The following PIEZO2 variants were observed in gnomAD, a reference collection of about 807,000 sequenced individuals.
The protein encoded by PIEZO2 is piezo-type mechanosensitive ion channel component 2.
Under a neutral mutation model 337.3 loss-of-function variants are expected in PIEZO2, and 172 were observed. The observed-to-expected ratio is 0.51, with a 90% CI of 0.45 to 0.58. PIEZO2 has a LOEUF of 0.58. PIEZO2 is among the 20% of genes least tolerant of loss of function. The probability of loss-of-function intolerance (pLI) is 0.00; values close to 1 mark genes in which losing one functional copy is unlikely to be tolerated. For synonymous variants in PIEZO2, 1,251 were observed against 1,228.5 expected, an observed-to-expected ratio of 1.02 and a Z score of -0.38; for missense variants, 3,028 against 3,391.3, an observed-to-expected ratio of 0.89 and a Z score of 2.66.
intron 3 of PIEZO2, among the ~76,000 whole-genome samples, chr18:10,946,725 A>G (rs757570362): frequency 9.2e-5 from 14 of 152,216 alleles, no homozygotes; most frequent in Non-Finnish European, 1.5e-4. Context: ...CTGAACCTCA[A>G]TAGGGGAACT....
At chr18:10,778,361 G>GTC (rs71169947) in intron 18 of PIEZO2, among the ~76,000 whole-genome samples, 122,266 of 143,306 alleles carry the variant, frequency 0.85, 52,242 homozygotes, top group East Asian at 0.93. Context: ...TTGAGAGGGA[G>GTC]TCGCTCTGTC....
intron 5 of PIEZO2, among the ~76,000 whole-genome samples, chr18:10,867,819 T>C (rs2042045130): frequency 6.6e-6 from 1 of 152,266 alleles, no homozygotes; most frequent in Non-Finnish European, 1.5e-5. Flanking sequence ...TTATTTAAGA[T>C]TTCAGATCAG....
Position 11,127,674 on chromosome 18 carries a change from A to AT in PIEZO2, c.64+20850_64+20851insA, listed in dbSNP as rs2040219080. 6.6e-6 allele frequency among the ~76,000 whole-genome samples: 1 copy of AT among 151,820 alleles called. No individual in the cohort carries two copies. Among genetic ancestry groups the AT allele is most frequent in the Non-Finnish European group, 1.5e-5 (1 of 68,022 alleles). ...GTGATCATGTAAGTTAATACTTAAT[A>AT]AACTCCCCTTTATATATATATACAT... is the stretch of plus-strand genomic sequence containing the variant. On this transcript the variant is annotated intron_variant, in intron 1 of 55. Coordinates refer to ENST00000674853, the MANE Select transcript of PIEZO2 (RefSeq NM_001378183.1). This position sits in a 1 kb window ranked among gnomAD's most constrained non-coding sequence, Gnocchi z 4.5.
rs1024565479 is a variant in PIEZO2, at chr18:10,725,115, C to T, written c.5029+6292G>A. The T allele has an allele frequency of 5.4e-6, 8 of 1,473,572 alleles. No individual in the cohort carries two copies. In the African/African-American group the frequency reaches 6.9e-5, roughly 13 times the overall value. The allele number at this position is 1,473,572 out of a possible 1,614,324, so 91.3% of individuals were successfully genotyped here. A position where few individuals can be genotyped will look rare whatever the true frequency, so the allele number is the denominator to read the frequency against. On this transcript the variant is annotated intron_variant, in intron 36 of 55. Coordinates refer to ENST00000674853, the MANE Select transcript of PIEZO2 (RefSeq NM_001378183.1). Reference sequence around the variant, plus strand: ...CGCATTACACCTACAATCCACAGTTCGAGTACCAGGAGCCCATGCCTATGG... The same window carrying T: ...CGCATTACACCTACAATCCACAGTTTGAGTACCAGGAGCCCATGCCTATGG...
chr18:10,956,382 A>G (rs1055628821), intron 3 of PIEZO2, among the ~76,000 whole-genome samples: 5 of 152,222 alleles, frequency 3.3e-5, no homozygotes, highest in Admixed American at 6.5e-5. Context: ...GAAATTGAAG[A>G]CACAAATAAA....
At chr18:10,986,553 T>C (rs1188412941) in intron 2 of PIEZO2, among the ~76,000 whole-genome samples, 2 of 151,926 alleles carry the variant, frequency 1.3e-5, no homozygotes, top group Non-Finnish European at 2.9e-5. Context: ...TTTCAACATA[T>C]TAGATATAGA....
intron 7 of PIEZO2, among the ~76,000 whole-genome samples, chr18:10,823,261 G>C (rs2040573298): frequency 6.6e-6 from 1 of 152,100 alleles, no homozygotes; most frequent in Admixed American, 6.5e-5. Flanking sequence ...TGAGCTTTCA[G>C]ATTGTTTAAT....
chr18:11,032,694 G>A lies in PIEZO2; in HGVS notation c.160+33433C>T, dbSNP rs138248049. Among the ~76,000 whole-genome samples, 440 of 152,328 alleles carry A rather than the reference G, an allele frequency of 2.9e-3. 2 individuals carry two copies. Among genetic ancestry groups the A allele is most frequent in the African/African-American group, 0.01 (416 of 41,576 alleles). On this transcript the variant is annotated intron_variant, in intron 2 of 55. Coordinates refer to ENST00000674853, the MANE Select transcript of PIEZO2 (RefSeq NM_001378183.1). This position sits in a 1 kb window ranked among gnomAD's most constrained non-coding sequence, Gnocchi z 4.9. Reference sequence around the variant, plus strand: ...TAAAATGTTACTGTTCACAGTAGCAGAAATCTCTCTATGCATGTGTGTGTG... The same window carrying A: ...TAAAATGTTACTGTTCACAGTAGCAAAAATCTCTCTATGCATGTGTGTGTG...
At chr18:10,927,350 T>C (rs1429053113) in intron 3 of PIEZO2, among the ~76,000 whole-genome samples, 1 of 152,212 alleles carries the variant, frequency 6.6e-6, no homozygotes, top group Non-Finnish European at 1.5e-5. Context: ...TTAGATGGGA[T>C]ACTTAGCAGG....
Position 10,784,959 on chromosome 18 carries a change from T to C in PIEZO2, c.2319-2A>G, listed in dbSNP as rs1008534601. 6.5e-7 allele frequency: 1 copy of C among 1,528,040 alleles called. No homozygotes were observed. The highest frequency in any genetic ancestry group is 1.4e-5 in the African/African-American group (1 of 72,202). The allele number at this position is 1,528,040 out of a possible 1,614,324, so 94.7% of individuals were successfully genotyped here. On this transcript the variant is annotated splice_acceptor_variant, in intron 16 of 55. Coordinates refer to ENST00000674853, the MANE Select transcript of PIEZO2 (RefSeq NM_001378183.1). LOFTEE classifies it high-confidence loss of function. This position sits in a 1 kb window ranked among gnomAD's most constrained non-coding sequence, Gnocchi z 4.5. ...TGCTTTAAGCCAAGATCCTCAAGCC[T>C]GCAAAACAAAACAAAATAAAAAGCA...
chr18:11,143,635 A>ACTCTCTCT lies in PIEZO2; in HGVS notation c.64+4889_64+4890insAGAGAGAG. Among the ~76,000 whole-genome samples, 2 of 75,942 alleles carry ACTCTCTCT rather than the reference A, an allele frequency of 2.6e-5. No homozygotes were observed. Among genetic ancestry groups the ACTCTCTCT allele is most frequent in the African/African-American group, 1.6e-4 (2 of 12,528 alleles). 49.8% of individuals were successfully genotyped at this position (75,942 alleles called of 152,430 possible). ...CACACACACACACACACACACACACACACACTCTCTCTCTCTCTCTCTCTC... is the reference window on the plus strand; with the variant it reads ...CACACACACACACACACACACACACACTCTCTCTCACACTCTCTCTCTCTCTCTCTCTC... On this transcript the variant is annotated intron_variant, in intron 1 of 55. Transcript: ENST00000674853. The surrounding 1 kb of genome is among the most constrained non-coding windows in gnomAD (Gnocchi z 4.9).
chr18:10,718,787 G>A (rs908021363), intron 36 of PIEZO2, among the ~76,000 whole-genome samples: 5 of 151,788 alleles, frequency 3.3e-5, no homozygotes, highest in Non-Finnish European at 7.4e-5. Context: ...TGAGGAGAGA[G>A]GATAGCTTGA....
At chr18:11,043,042 A>T (rs2037179032) in intron 2 of PIEZO2, among the ~76,000 whole-genome samples, 1 of 152,214 alleles carries the variant, frequency 6.6e-6, no homozygotes, top group South Asian at 2.1e-4. Context: ...CTAATTGGCT[A>T]ACCATAATCC....
intron 3 of PIEZO2, among the ~76,000 whole-genome samples, chr18:10,922,205 A>G (rs2031462102): frequency 2.6e-5 from 4 of 152,124 alleles, no homozygotes; most frequent in Non-Finnish European, 5.9e-5. Flanking sequence ...GGGGCATCAC[A>G]GAATCTACCG....
At chr18:10,823,653 G>C (rs1218021423) in intron 7 of PIEZO2, among the ~76,000 whole-genome samples, 1 of 152,172 alleles carries the variant, frequency 6.6e-6, no homozygotes, top group Non-Finnish European at 1.5e-5. Context: ...AGAGTGTGTG[G>C]AGAAACAAAG....
chr18:10,871,209 G>T (rs1307390290), intron 5 of PIEZO2, 44 bp downstream of exon 5: 3 of 1,506,168 alleles, frequency 2.0e-6, no homozygotes, highest in Non-Finnish European at 2.7e-6. Context: ...AAGGGTCAAG[G>T]TCCTCAGAAA....
In PIEZO2 at chr18:10,800,437, G is replaced by C. The variant is rs1301680689; in HGVS notation, c.1278C>G (p.Tyr426Ter). The change falls in exon 11 of 56, where the codon TAC (tyrosine) becomes TAG (stop). Residue 426 changes from tyrosine (Y) to a stop codon, truncating the protein, a stop_gained. Transcript: ENST00000674853. LOFTEE classifies it high-confidence loss of function. ...LVTVNGNPVD[Y>*]HTIHPSLPME... is the part of the protein sequence containing the mutation. Reference sequence around the variant, plus strand: ...TGGGCAGGCTTGGGTGGATGGTGTGGTAATCCACGGGGTTGCCGTTCACAG... The same window carrying C: ...TGGGCAGGCTTGGGTGGATGGTGTGCTAATCCACGGGGTTGCCGTTCACAG... 8.5e-6 allele frequency: 13 copies of C among 1,535,816 alleles called. No homozygotes were observed. The Admixed American group carries it at 2.6e-4, about 30-fold the overall frequency.
At position 11,110,045 on chromosome 18, in the gene PIEZO2, C is replaced by T. The variant is rs542090407; in HGVS notation, c.64+38480G>A. 4.1e-4 allele frequency among the ~76,000 whole-genome samples: 62 copies of T among 152,140 alleles called. No individual in the cohort carries two copies. Among genetic ancestry groups the T allele is most frequent in the Admixed American group, 3.3e-4 (5 of 15,272 alleles). ...CATCTTTATCTCCATGGTGGGTGGACAATGACAGGTTCAGGAGTAACTGCA... is the reference window on the plus strand; with the variant it reads ...CATCTTTATCTCCATGGTGGGTGGATAATGACAGGTTCAGGAGTAACTGCA... On this transcript the variant is annotated intron_variant, in intron 1 of 55. Transcript: ENST00000674853. This position sits in a 1 kb window ranked among gnomAD's most constrained non-coding sequence, Gnocchi z 4.2.
In PIEZO2 at chr18:10,795,160, A is replaced by G. The variant is rs1342771024; in HGVS notation, c.1528-158T>C. ...GAGTGATGGAGACCCCAAGCCGTGG[A>G]GTGGTGGCTTGGAAGGCAGGAGGTT... On this transcript the variant is annotated intron_variant, in intron 12 of 55. Coordinates refer to ENST00000674853, the MANE Select transcript of PIEZO2 (RefSeq NM_001378183.1). The surrounding 1 kb of genome is among the most constrained non-coding windows in gnomAD (Gnocchi z 4.4). Among the ~76,000 whole-genome samples, 3 of 152,170 alleles carry G rather than the reference A, an allele frequency of 2.0e-5. No homozygotes were observed. Among genetic ancestry groups the G allele is most frequent in the Non-Finnish European group, 2.9e-5 (2 of 68,022 alleles).
Sources: allele counts gnomAD v4.1 joint callset (sites outside exome capture counted in the v4.1 genomes callset), GRCh38; gene constraint gnomAD v4.1.1; non-coding constraint Gnocchi (gnomAD v3.1); transcripts MANE v1.5; gene names NCBI Gene and HGNC (gene_info 2026-07-23, HGNC 2026-07-21).